XCR1: variants seen among roughly 807,000 people sequenced by gnomAD.
XCR1 encodes chemokine XC receptor 1.
For missense variants in XCR1, 356 were observed against 424.2 expected, an observed-to-expected ratio of 0.84 and a Z score of 1.41; for synonymous variants, 187 against 188.5, an observed-to-expected ratio of 0.99 and a Z score of 0.06.
chr3:46,033,849 T>G (rs1349742136), intron 5 of XCR1, among the ~76,000 whole-genome samples: 1 of 152,224 alleles, frequency 6.6e-6, no homozygotes, highest in African/African-American at 2.4e-5. Context: ...TATAGAGTTT[T>G]ATAGTTTTCC....
In XCR1 at chr3:46,081,686, CTTTTTTTCT is replaced by C. The variant is rs1698366762; in HGVS notation, c.-515+4099_-515+4107del. The stretch of plus-strand genomic sequence containing the variant: ...AGAGTGATTTGCAACTATTCCTTTT[CTTTTTTTCT>C]TTTTTTTTTTTAAAAATCTTATTCT... On this transcript the variant is annotated intron_variant, in intron 1 of 5. Transcript: ENST00000683768. Among the ~76,000 whole-genome samples the C allele has an allele frequency of 4.3e-5, 6 of 138,464 alleles. No homozygotes were observed. The South Asian group carries it at 1.5e-3, about 34-fold the overall frequency. The allele number at this position is 138,464 out of a possible 152,430, so 90.8% of individuals were successfully genotyped here. A position where few individuals can be genotyped will look rare whatever the true frequency, so the allele number is the denominator to read the frequency against.
chr3:46,083,786 A>G (rs1266004736), intron 1 of XCR1, among the ~76,000 whole-genome samples: 1 of 152,234 alleles, frequency 6.6e-6, no homozygotes, highest in Non-Finnish European at 1.5e-5. Context: ...CTTGTTGTAT[A>G]TACATAAGTA....
intron 5 of XCR1, among the ~76,000 whole-genome samples, chr3:46,034,189 C>T (rs1697373953): frequency 6.6e-6 from 1 of 152,088 alleles, no homozygotes; most frequent in Non-Finnish European, 1.5e-5. Flanking sequence ...TCAGGATGGT[C>T]TCGAACTCCT....
intron 5 of XCR1, among the ~76,000 whole-genome samples, chr3:46,036,132 C>T (rs557724143): frequency 4.6e-5 from 7 of 152,116 alleles, no homozygotes; most frequent in Non-Finnish European, 8.8e-5. Flanking sequence ...TGTTTGGAAT[C>T]GGAGTTTGCT....
At chr3:46,069,821 T>G (rs1037454486) in intron 3 of XCR1, among the ~76,000 whole-genome samples, 1 of 152,088 alleles carries the variant, frequency 6.6e-6, no homozygotes, top group African/African-American at 2.4e-5. Flanking sequence ...TCATCTTTAT[T>G]TCTTTTCTTC....
intron 5 of XCR1, among the ~76,000 whole-genome samples, chr3:46,046,290 C>A (rs571303637): frequency 6.6e-6 from 1 of 152,314 alleles, no homozygotes; most frequent in Admixed American, 6.5e-5. Context: ...GAGCTTTACA[C>A]AGCCCTCCAT....
chr3:46,080,331 C>T (rs145791323), intron 1 of XCR1, among the ~76,000 whole-genome samples: 38 of 152,254 alleles, frequency 2.5e-4, no homozygotes, highest in African/African-American at 8.7e-4. Context: ...CTGACAATGC[C>T]GCTAAGAATG....
intron 1 of XCR1, among the ~76,000 whole-genome samples, chr3:46,024,579 G>T (rs143976358): frequency 8.9e-4 from 136 of 152,154 alleles, no homozygotes; most frequent in African/African-American, 3.0e-3. Flanking sequence ...TGGCCCGAGG[G>T]GCTGCCTTGT....
intron 1 of XCR1, among the ~76,000 whole-genome samples, chr3:46,079,159 T>C (rs1385146447): frequency 6.6e-6 from 1 of 152,182 alleles, no homozygotes; most frequent in Non-Finnish European, 1.5e-5. Context: ...ATCTGAGCGC[T>C]CTTTTAAGGG....
intron 1 of XCR1, chr3:46,023,505 C>T (rs576258125): frequency 1.1e-4 from 173 of 1,568,080 alleles, no homozygotes; most frequent in Middle Eastern, 2.2e-4. Context: ...AGCTCCTCCT[C>T]ATCCAAGAGA....
intron 1 of XCR1, among the ~76,000 whole-genome samples, chr3:46,084,748 C>A (rs1443242424): frequency 6.6e-6 from 1 of 152,170 alleles, no homozygotes; most frequent in African/African-American, 2.4e-5. Flanking sequence ...ACACTGGGCA[C>A]ACAAAGACAT....
chr3:46,023,514 G>C, intron 1 of XCR1: 2 of 1,570,072 alleles, frequency 1.3e-6, no homozygotes, highest in Non-Finnish European at 8.7e-7. Context: ...TCATCCAAGA[G>C]AGATGGAAAA....
chr3:46,068,144 A>G (rs1698107916), intron 3 of XCR1, among the ~76,000 whole-genome samples: 1 of 152,228 alleles, frequency 6.6e-6, no homozygotes, highest in Non-Finnish European at 1.5e-5. Context: ...GGGCTGATGC[A>G]GCAAATTCTA....
chr3:46,057,066 C>A (rs1438690792), intron 4 of XCR1, among the ~76,000 whole-genome samples: 2 of 152,092 alleles, frequency 1.3e-5, no homozygotes, highest in Non-Finnish European at 2.9e-5. Flanking sequence ...TGTGAGTGAA[C>A]CTCAAAATAA....
Position 46,043,298 on chromosome 3 carries a change from A to C in XCR1, c.-32+10622T>G, listed in dbSNP as rs540532618. Among the ~76,000 whole-genome samples the C allele has an allele frequency of 1.2e-4, 18 of 151,936 alleles. No individual in the cohort carries two copies. The South Asian group carries it at 3.8e-3, about 32-fold the overall frequency. ...TCTACTAAAAATACAAAAATTAGCC[A>C]ACACGGTGGTCTATATCCTATAATC... On this transcript the variant is annotated intron_variant, in intron 5 of 5. Transcript: ENST00000683768.
chr3:46,044,494 T>C (rs1202911366), intron 5 of XCR1, among the ~76,000 whole-genome samples: 4 of 152,196 alleles, frequency 2.6e-5, no homozygotes, highest in East Asian at 3.8e-4. Flanking sequence ...AATTTGCAAA[T>C]ATTTTCTCCC....
chr3:46,021,257 C>T lies in XCR1; in HGVS notation c.691G>A (p.Val231Met), dbSNP rs759886043. The T allele has an allele frequency of 9.9e-6, 16 of 1,614,044 alleles. No homozygotes were observed. The African/African-American group carries it at 1.5e-4, about 15-fold the overall frequency. The change falls in exon 2 of 2, where the codon GTG (valine) becomes ATG (methionine). Residue 231 changes from valine (V) to methionine (M), a missense_variant. Coordinates refer to ENST00000309285, the MANE Select transcript of XCR1 (RefSeq NM_001024644.2). The surrounding 1 kb of genome is among the most constrained non-coding windows in gnomAD (Gnocchi z 4.7). ...CCCCAGCTGAGGAAGTAGGCCACCA[C>T]GATGGCGAAGATGAGCTTGACCGTG... ...HRTVKLIFAI[V>M]VAYFLSWGPY...
In XCR1 at chr3:46,023,336, A is replaced by C. The variant is rs1708205331; in HGVS notation, c.-31-1358T>G. 5.6e-6 allele frequency: 7 copies of C among 1,256,830 alleles called. No individual in the cohort carries two copies. In the African/African-American group the frequency reaches 1.0e-4, roughly 19 times the overall value. 77.9% of individuals were successfully genotyped at this position (1,256,830 alleles called of 1,614,324 possible). A position where few individuals can be genotyped will look rare whatever the true frequency, so the allele number is the denominator to read the frequency against. Reference sequence around the variant, plus strand: ...GGACCCCTCAACCTGGCTCATCAGCAGAGCAGACGAGCCGACCGTTTATTA... The same window carrying C: ...GGACCCCTCAACCTGGCTCATCAGCCGAGCAGACGAGCCGACCGTTTATTA... On this transcript the variant is annotated intron_variant, in intron 1 of 1. Transcript: ENST00000309285.
At chr3:46,024,146 T>G (rs1708237678) in intron 1 of XCR1, 1 of 645,418 alleles carries the variant, frequency 1.5e-6, no homozygotes, top group Non-Finnish European at 2.8e-6. Flanking sequence ...AAAGGATTTA[T>G]GAATAATTAA....
Sources: allele counts gnomAD v4.1 joint callset (sites outside exome capture counted in the v4.1 genomes callset), GRCh38; gene constraint gnomAD v4.1.1; non-coding constraint Gnocchi (gnomAD v3.1); transcripts MANE v1.5; gene names NCBI Gene and HGNC (gene_info 2026-07-23, HGNC 2026-07-21).